The following ADAMTS3 variants were observed in gnomAD, a reference collection of about 807,000 sequenced individuals.
ADAMTS3 encodes the protein ADAM metallopeptidase with thrombospondin type 1 motif 3.
Under a neutral mutation model 129.0 loss-of-function variants are expected in ADAMTS3, and 73 were observed. The observed-to-expected ratio is 0.57, with a 90% CI of 0.47 to 0.69. The LOEUF (loss-of-function observed/expected upper bound fraction) is 0.69, where lower values mean the gene tolerates loss of function less well. ADAMTS3 is among the 30% of genes least tolerant of loss of function. The pLI is 0.00. For synonymous variants in ADAMTS3, 477 were observed against 510.8 expected (o/e 0.93, Z 0.89); for missense variants, 1,457 against 1,514.5 (o/e 0.96, Z 0.63).
At chr4:72,407,448 G>A (rs1310785121) in intron 4 of ADAMTS3, among the ~76,000 whole-genome samples, 1 of 152,054 alleles carries the variant, frequency 6.6e-6, no homozygotes, top group Non-Finnish European at 1.5e-5. Context: ...GTAGCACATG[G>A]AATAAAACCT....
intron 3 of ADAMTS3, among the ~76,000 whole-genome samples, chr4:72,530,781 AT>A (rs1721016065): frequency 1.0e-5 from 1 of 96,316 alleles, no homozygotes; most frequent in Non-Finnish European, 1.9e-5. Context: ...TATATATTAT[AT>A]TATACATTAT....
chr4:72,395,310 T>C (rs942034712), intron 4 of ADAMTS3, among the ~76,000 whole-genome samples: 7 of 152,156 alleles, frequency 4.6e-5, no homozygotes, highest in African/African-American at 9.7e-5. Flanking sequence ...TAGACTCCTT[T>C]GAAAACAACT....
At chr4:72,389,172 A>G (rs1232466511) in intron 4 of ADAMTS3, among the ~76,000 whole-genome samples, 4 of 152,206 alleles carry the variant, frequency 2.6e-5, no homozygotes, top group Non-Finnish European at 4.4e-5. Flanking sequence ...ATGCCAGCCA[A>G]TGACCAACCT....
At chr4:72,371,058 G>A (rs756463085) in intron 4 of ADAMTS3, among the ~76,000 whole-genome samples, 4 of 152,110 alleles carry the variant, frequency 2.6e-5, no homozygotes, top group Admixed American at 6.6e-5. Context: ...AGAGTGATAT[G>A]TCTACAAGCC....
chr4:72,533,201 T>TA (rs950083437), intron 3 of ADAMTS3, among the ~76,000 whole-genome samples: 1 of 152,128 alleles, frequency 6.6e-6, no homozygotes, highest in African/African-American at 2.4e-5. Context: ...AATTTTAAAT[T>TA]AAAAAAATTG....
intron 21 of ADAMTS3, 123 bp from the exon 22 acceptor site, chr4:72,283,827 G>A (rs922206614): frequency 6.9e-6 from 5 of 720,142 alleles, no homozygotes; most frequent in Admixed American, 6.5e-5. Flanking sequence ...TAACGGGAGT[G>A]ATCCACACGA....
At chr4:72,564,584 A>C (rs1252129289) in intron 2 of ADAMTS3, among the ~76,000 whole-genome samples, 3 of 152,202 alleles carry the variant, frequency 2.0e-5, no homozygotes, top group African/African-American at 7.2e-5. Context: ...ACAAAGAGGC[A>C]CACAACTAGG....
chr4:72,561,301 T>G (rs559184076), intron 2 of ADAMTS3, among the ~76,000 whole-genome samples: 1 of 151,612 alleles, frequency 6.6e-6, no homozygotes, highest in Non-Finnish European at 1.5e-5. Flanking sequence ...GAGCTGAGAT[T>G]GTGCCACTGC....
intron 4 of ADAMTS3, among the ~76,000 whole-genome samples, chr4:72,407,767 T>C (rs905511567): frequency 2.6e-5 from 4 of 152,180 alleles, no homozygotes; most frequent in Non-Finnish European, 5.9e-5. Context: ...TGTAAGTGGT[T>C]ACAGTAGTTC....
At chr4:72,382,386 T>C (rs1238485669) in intron 4 of ADAMTS3, among the ~76,000 whole-genome samples, 2 of 151,858 alleles carry the variant, frequency 1.3e-5, no homozygotes, top group South Asian at 4.2e-4. Context: ...CTCTATGATA[T>C]TGAGTTCTGC....
At chr4:72,382,936 T>C (rs1240658820) in intron 4 of ADAMTS3, among the ~76,000 whole-genome samples, 5 of 152,186 alleles carry the variant, frequency 3.3e-5, no homozygotes, top group Admixed American at 1.3e-4. Context: ...TGTTCACTAT[T>C]GGAGTGATGA....
At chr4:72,284,010 A>G (rs1199913073) in intron 21 of ADAMTS3, among the ~76,000 whole-genome samples, 1 of 152,146 alleles carries the variant, frequency 6.6e-6, no homozygotes, top group Non-Finnish European at 1.5e-5. Flanking sequence ...GAATGGGCAA[A>G]GATAATTTAT....
chr4:72,322,922 A>C, intron 6 of ADAMTS3, 92 bp downstream of exon 6: 3 of 993,196 alleles, frequency 3.0e-6, no homozygotes, highest in Middle Eastern at 2.1e-4. Flanking sequence ...GAATATATCT[A>C]TGCCTTAAGT....
intron 5 of ADAMTS3, among the ~76,000 whole-genome samples, chr4:72,329,174 A>G (rs1719774814): frequency 6.6e-6 from 1 of 152,206 alleles, no homozygotes. Context: ...AAAACAGCCT[A>G]TAAGCATGAA....
At chr4:72,544,369 G>A (rs1241348436) in intron 3 of ADAMTS3, among the ~76,000 whole-genome samples, 2 of 151,882 alleles carry the variant, frequency 1.3e-5, no homozygotes, top group Admixed American at 6.6e-5. Context: ...ATTTCTAATA[G>A]TGTTAAATCA....
At chr4:72,561,467 T>C (rs1385190971) in intron 2 of ADAMTS3, among the ~76,000 whole-genome samples, 2 of 151,642 alleles carry the variant, frequency 1.3e-5, no homozygotes, top group Non-Finnish European at 2.9e-5. Flanking sequence ...ACTGCATCAC[T>C]GCACTCCAGC....
intron 4 of ADAMTS3, among the ~76,000 whole-genome samples, chr4:72,414,547 A>G (rs927811423): frequency 2.6e-5 from 4 of 152,016 alleles, no homozygotes; most frequent in African/African-American, 9.7e-5. Flanking sequence ...TTTTAACATA[A>G]GCTAGAGAAC....
chr4:72,296,768 C>A (rs748772353), intron 18 of ADAMTS3, among the ~76,000 whole-genome samples: 5 of 151,954 alleles, frequency 3.3e-5, no homozygotes, highest in Non-Finnish European at 7.4e-5. Flanking sequence ...AACATACAGA[C>A]CTATTCAAAA....
intron 4 of ADAMTS3, among the ~76,000 whole-genome samples, chr4:72,345,468 C>T (rs910600238): frequency 6.6e-6 from 1 of 152,094 alleles, no homozygotes; most frequent in Non-Finnish European, 1.5e-5. Flanking sequence ...ACAGTAACAG[C>T]ATCTCCACAT....
Sources: allele counts gnomAD v4.1 joint callset (sites outside exome capture counted in the v4.1 genomes callset), GRCh38; gene constraint gnomAD v4.1.1; transcripts MANE v1.5; gene names NCBI Gene and HGNC (gene_info 2026-07-23, HGNC 2026-07-21).